The following FGF14 variants were observed in gnomAD, a reference collection of about 807,000 sequenced individuals.
FGF14 encodes the protein fibroblast growth factor 14.
In FGF14, 5 loss-of-function variants were observed where a neutral mutation model predicts 25.5. The observed-to-expected ratio is 0.20, with a 90% CI of 0.10 to 0.41. FGF14 has a LOEUF of 0.41. Ranked by LOEUF, FGF14 falls within the 10% of genes least tolerant of loss-of-function variation. The pLI, the probability that FGF14 is intolerant of heterozygous loss-of-function variation, is 1.00. For synonymous variants in FGF14, 138 were observed against 118.3 expected, an observed-to-expected ratio of 1.17 and a Z score of -1.08; for missense variants, 222 against 320.1, an observed-to-expected ratio of 0.69 and a Z score of 2.34.
At chr13:102,061,479 T>C (rs1027021000) in intron 1 of FGF14, among the ~76,000 whole-genome samples, 1 of 152,242 alleles carries the variant, frequency 6.6e-6, no homozygotes, top group African/African-American at 2.4e-5. Context: ...ACTCCTCCCA[T>C]TTCAATATTC....
intron 1 of FGF14, among the ~76,000 whole-genome samples, chr13:102,369,844 C>T (rs762855705): frequency 1.3e-5 from 2 of 152,154 alleles, no homozygotes; most frequent in Non-Finnish European, 2.9e-5. Context: ...AAAGTCCTTA[C>T]ATATAAAGCA....
intron 1 of FGF14, among the ~76,000 whole-genome samples, chr13:102,183,380 G>T (rs1258345027): frequency 6.6e-6 from 1 of 152,086 alleles, no homozygotes; most frequent in Non-Finnish European, 1.5e-5. Context: ...AAAGTTAAGA[G>T]AGCATAAATC....
At chr13:102,159,487 C>T (rs1297651756) in intron 1 of FGF14, among the ~76,000 whole-genome samples, 7 of 152,222 alleles carry the variant, frequency 4.6e-5, no homozygotes, top group African/African-American at 1.4e-4. Context: ...AATGCCAACT[C>T]TTCTCCACTG....
exon 1 of FGF14, chr13:102,401,701 A>G (rs1258077034): frequency 6.3e-7 from 1 of 1,598,420 alleles, no homozygotes; most frequent in Non-Finnish European, 8.6e-7. Flanking sequence ...AATATTCCGG[A>G]TCTTCTCCCA....
chr13:102,078,743 G>T (rs141240444), intron 1 of FGF14, among the ~76,000 whole-genome samples: 2 of 152,292 alleles, frequency 1.3e-5, no homozygotes, highest in East Asian at 3.9e-4. Context: ...GAGCCATGAC[G>T]TTGGAAACTC....
chr13:101,820,376 A>G (rs1026004608), intron 3 of FGF14, among the ~76,000 whole-genome samples: 1 of 152,210 alleles, frequency 6.6e-6, no homozygotes, highest in African/African-American at 2.4e-5. Flanking sequence ...AACAGATTAA[A>G]ATAAAATAAA....
chr13:101,989,244 T>C (rs2038766073), intron 1 of FGF14, among the ~76,000 whole-genome samples: 1 of 152,092 alleles, frequency 6.6e-6, no homozygotes, highest in African/African-American at 2.4e-5. Context: ...AAATTTTACT[T>C]TTTAAATTAT....
chr13:102,083,468 C>T (rs1335137067), intron 1 of FGF14, among the ~76,000 whole-genome samples: 1 of 152,016 alleles, frequency 6.6e-6, no homozygotes, highest in African/African-American at 2.4e-5. Flanking sequence ...TACTTTCCAA[C>T]CTGACTCTGG....
intron 1 of FGF14, among the ~76,000 whole-genome samples, chr13:102,389,138 A>G (rs1323088121): frequency 6.6e-6 from 1 of 152,018 alleles, no homozygotes; most frequent in African/African-American, 2.4e-5. Flanking sequence ...TTCATCCTCG[A>G]TGAGTTTTCT....
chr13:102,026,438 TAAC>T (rs1159844695), intron 1 of FGF14, among the ~76,000 whole-genome samples: 1 of 151,962 alleles, frequency 6.6e-6, no homozygotes, highest in Non-Finnish European at 1.5e-5. Flanking sequence ...ATTAGAATAT[TAAC>T]TTCATTGAAA....
chr13:101,862,218 G>A (rs2044455387), intron 3 of FGF14, among the ~76,000 whole-genome samples: 1 of 151,950 alleles, frequency 6.6e-6, no homozygotes, highest in Non-Finnish European at 1.5e-5. Flanking sequence ...TTCTTGTGAT[G>A]GGTTTTCTTC....
At chr13:102,170,485 G>A (rs757950755) in intron 1 of FGF14, among the ~76,000 whole-genome samples, 10 of 152,028 alleles carry the variant, frequency 6.6e-5, no homozygotes, top group Non-Finnish European at 8.8e-5. Flanking sequence ...ACAGACGAAT[G>A]CAACAGAAGC....
intron 3 of FGF14, among the ~76,000 whole-genome samples, chr13:101,740,552 G>T (rs1158563878): frequency 6.6e-6 from 1 of 152,118 alleles, no homozygotes; most frequent in Non-Finnish European, 1.5e-5. Flanking sequence ...GGCAGCTGAG[G>T]GAACAGAGTG....
At chr13:102,313,816 A>G (rs1001702282) in intron 1 of FGF14, among the ~76,000 whole-genome samples, 1 of 152,218 alleles carries the variant, frequency 6.6e-6, no homozygotes, top group Non-Finnish European at 1.5e-5. Flanking sequence ...CTTCTTCAAC[A>G]GTCCAAATGG....
At chr13:102,190,869 T>C (rs2049093223) in intron 1 of FGF14, among the ~76,000 whole-genome samples, 1 of 152,288 alleles carries the variant, frequency 6.6e-6, no homozygotes, top group Admixed American at 6.5e-5. Context: ...ATGAGAACAG[T>C]GACCTTTCTG....
chr13:101,745,533 C>T (rs981773192), intron 3 of FGF14, among the ~76,000 whole-genome samples: 1 of 152,084 alleles, frequency 6.6e-6, no homozygotes, highest in African/African-American at 2.4e-5. Flanking sequence ...CTAATTTAAT[C>T]CCTGGTAATC....
chr13:102,248,299 G>A (rs1229629940), intron 1 of FGF14, among the ~76,000 whole-genome samples: 1 of 151,882 alleles, frequency 6.6e-6, no homozygotes, highest in Non-Finnish European at 1.5e-5. Context: ...TCAGCATTTT[G>A]GAATATATAA....
intron 1 of FGF14, among the ~76,000 whole-genome samples, chr13:101,904,742 A>G (rs759047736): frequency 6.6e-6 from 1 of 152,220 alleles, no homozygotes; most frequent in Non-Finnish European, 1.5e-5. Flanking sequence ...TGACTATACA[A>G]CCATGCAGAA....
At chr13:101,959,950 TTGAG>T in intron 1 of FGF14, among the ~76,000 whole-genome samples, 1 of 152,318 alleles carries the variant, frequency 6.6e-6, no homozygotes, top group Non-Finnish European at 1.5e-5. Flanking sequence ...GTTGAAAACT[TTGAG>T]AGGTGTCTGT....
Sources: gnomAD v4.1 joint callset for allele counts (sites outside exome capture counted in the v4.1 genomes callset) on GRCh38, gnomAD v4.1.1 for gene constraint, MANE v1.5 for transcripts, NCBI Gene and HGNC (gene_info 2026-07-23, HGNC 2026-07-21) for gene names.